Variants in DLG2 observed in about 807,000 individuals in gnomAD.
DLG2 encodes the protein discs large MAGUK scaffold protein 2.
In DLG2, 45 loss-of-function variants were observed where a neutral mutation model predicts 132.5. The ratio of observed to expected loss-of-function variants is 0.34; its 90% CI spans 0.27 to 0.44. The LOEUF is 0.44. Ranked by LOEUF, DLG2 falls within the 20% of genes least tolerant of loss-of-function variation. The pLI, the probability that DLG2 is intolerant of heterozygous loss-of-function variation, is 1.00. For synonymous variants in DLG2, 424 were observed against 419.6 expected (o/e 1.01, Z -0.13); for missense variants, 1,045 against 1,196.9 (o/e 0.87, Z 1.87).
Position 83,588,958 on chromosome 11 carries a change from T to G in DLG2, c.1940+44253A>C, listed in dbSNP as rs2097140655. Among the ~76,000 whole-genome samples the G allele has an allele frequency of 4.7e-5, 7 of 147,460 alleles. No individual in the cohort carries two copies. The South Asian group carries it at 1.5e-3, about 32-fold the overall frequency. On this transcript the variant is annotated intron_variant, in intron 19 of 27. Transcript: ENST00000376104. ...TTAGAGAAAAAAGAATAAAAAGAAATGAGCAAAGCCTCCAAGAAATATGGG... is the reference window on the plus strand; with the variant it reads ...TTAGAGAAAAAAGAATAAAAAGAAAGGAGCAAAGCCTCCAAGAAATATGGG...
chr11:84,817,199 T>C (rs1677193383), intron 6 of DLG2, among the ~76,000 whole-genome samples: 1 of 152,058 alleles, frequency 6.6e-6, no homozygotes, highest in African/African-American at 2.4e-5. Flanking sequence ...GCTTACATTG[T>C]GCAGGAACCA....
chr11:84,335,557 G>T (rs983583971), intron 7 of DLG2, among the ~76,000 whole-genome samples: 1 of 152,072 alleles, frequency 6.6e-6, no homozygotes, highest in African/African-American at 2.4e-5. Context: ...GATGATTTAC[G>T]TTTTCCAACA....
intron 18 of DLG2, among the ~76,000 whole-genome samples, chr11:83,706,988 G>C (rs564440184): frequency 6.6e-6 from 1 of 152,332 alleles, no homozygotes; most frequent in South Asian, 2.1e-4. Context: ...AGCAAACATA[G>C]ATACTTTCCA....
chr11:85,622,303 C>T (rs562572312), intron 2 of DLG2, among the ~76,000 whole-genome samples: 1 of 152,036 alleles, frequency 6.6e-6, no homozygotes, highest in East Asian at 1.9e-4. Context: ...TGTATATATG[C>T]ATCAGAAAAC....
At chr11:83,882,656 T>C (rs2045170927) in intron 15 of DLG2, among the ~76,000 whole-genome samples, 1 of 152,252 alleles carries the variant, frequency 6.6e-6, no homozygotes. Flanking sequence ...TATACAATCA[T>C]ATTTTTAAAA....
At chr11:84,506,377 C>T (rs2099241138) in intron 7 of DLG2, among the ~76,000 whole-genome samples, 1 of 150,968 alleles carries the variant, frequency 6.6e-6, no homozygotes, top group Non-Finnish European at 1.5e-5. Flanking sequence ...GCCCGGCCCT[C>T]AGTTCTTAAA....
rs1039735623 is a variant in DLG2 at position 84,703,881 on chromosome 11, T to TATATAC, written c.358-169151_358-169150insGTATAT. ...AGATATATATATATATATATATATATATACACGTGTGTGTGTGTGTGTGTG... is the reference window on the plus strand; with the variant it reads ...AGATATATATATATATATATATATATATATACATACACGTGTGTGTGTGTGTGTGTG... On this transcript the variant is annotated intron_variant, in intron 6 of 27. Transcript: ENST00000376104. Among the ~76,000 whole-genome samples the TATATAC allele has an allele frequency of 4.0e-4, 49 of 122,740 alleles. No homozygotes were observed. In the South Asian group the frequency reaches 6.2e-3, roughly 16 times the overall value. 80.5% of individuals were successfully genotyped at this position (122,740 alleles called of 152,430 possible). A position where few individuals can be genotyped will look rare whatever the true frequency, so the allele number is the denominator to read the frequency against.
chr11:83,866,650 A>G (rs1209169828), intron 16 of DLG2, among the ~76,000 whole-genome samples: 3 of 152,194 alleles, frequency 2.0e-5, no homozygotes, highest in Non-Finnish European at 4.4e-5. Context: ...GACCATTTTT[A>G]AACCCATTTA....
intron 7 of DLG2, among the ~76,000 whole-genome samples, chr11:84,396,250 TC>T (rs2098810590): frequency 6.6e-6 from 1 of 152,208 alleles, no homozygotes; most frequent in South Asian, 2.1e-4. Flanking sequence ...TTGAAGCTAC[TC>T]TATATATTCA....
intron 7 of DLG2, among the ~76,000 whole-genome samples, chr11:84,492,172 T>C (rs2099166926): frequency 6.6e-6 from 1 of 152,114 alleles, no homozygotes; most frequent in African/African-American, 2.4e-5. Context: ...CACCAACTGT[T>C]CTAGTATGAA....
chr11:85,002,973 T>G (rs1294470123), intron 6 of DLG2, among the ~76,000 whole-genome samples: 2 of 152,090 alleles, frequency 1.3e-5, no homozygotes, highest in African/African-American at 4.8e-5. Flanking sequence ...TGGTATATGA[T>G]ATGTATAACT....
In DLG2 at chr11:83,503,366, CATTTATATATATATATATAT is replaced by C. The variant is rs1218459944; in HGVS notation, c.2194-19158_2194-19139del. On this transcript the variant is annotated intron_variant, in intron 21 of 27. Coordinates refer to ENST00000376104, the MANE Select transcript of DLG2 (RefSeq NM_001142699.3). ...ATTTATATATATACACACACACACC[CATTTATATATATATATATAT>C]ATATATATATATATATATATATATA... is the stretch of plus-strand genomic sequence containing the variant. Among the ~76,000 whole-genome samples, 60 of 47,094 alleles carry C rather than the reference CATTTATATATATATATATAT, an allele frequency of 1.3e-3. 1 individual carries two copies. Among genetic ancestry groups the C allele is most frequent in the African/African-American group, 3.0e-3 (55 of 18,134 alleles). The allele number at this position is 47,094 out of a possible 152,430, so 30.9% of individuals were successfully genotyped here.
At chr11:85,419,734 C>T (rs1253602354) in intron 3 of DLG2, among the ~76,000 whole-genome samples, 1 of 152,216 alleles carries the variant, frequency 6.6e-6, no homozygotes, top group African/African-American at 2.4e-5. Flanking sequence ...GCTATTGATA[C>T]TTGCATATGC....
intron 6 of DLG2, among the ~76,000 whole-genome samples, chr11:84,843,778 G>T (rs2081014206): frequency 6.6e-6 from 1 of 151,652 alleles, no homozygotes; most frequent in African/African-American, 2.4e-5. Flanking sequence ...GTTCAATACG[G>T]ACACAACCAT....
In DLG2 at chr11:84,529,512, G is replaced by C. The variant is rs148560685; in HGVS notation, c.519+5058C>G. ...TATCTACCAACAACATCCAAGCTGA[G>C]AGCAAAATCGAGAACTCAATCTCAT... On this transcript the variant is annotated intron_variant, in intron 7 of 27. Transcript: ENST00000376104. Among the ~76,000 whole-genome samples the C allele has an allele frequency of 4.9e-4, 75 of 152,170 alleles. No individual in the cohort carries two copies. In the East Asian group the frequency reaches 0.013, roughly 27 times the overall value.
At chr11:85,578,845 C>A (rs972820742) in intron 3 of DLG2, among the ~76,000 whole-genome samples, 3 of 152,092 alleles carry the variant, frequency 2.0e-5, no homozygotes, top group African/African-American at 7.2e-5. Flanking sequence ...GACATAAAGA[C>A]AGAAATACCA....
At chr11:85,539,602 T>A (rs906359934) in intron 3 of DLG2, among the ~76,000 whole-genome samples, 2 of 152,190 alleles carry the variant, frequency 1.3e-5, no homozygotes, top group African/African-American at 4.8e-5. Context: ...TCTGTGAACA[T>A]ATTTAAAAAC....
intron 6 of DLG2, among the ~76,000 whole-genome samples, chr11:84,947,634 T>A (rs1193323886): frequency 6.6e-6 from 1 of 152,208 alleles, no homozygotes; most frequent in Non-Finnish European, 1.5e-5. Context: ...GGTGGCTGAC[T>A]CCTTTGCTAT....
chr11:84,513,346 A>G (rs1266030261), intron 7 of DLG2, among the ~76,000 whole-genome samples: 1 of 152,058 alleles, frequency 6.6e-6, no homozygotes, highest in Non-Finnish European at 1.5e-5. Context: ...CCTAAAATTT[A>G]AACAGAATCA....
Sources: allele counts gnomAD v4.1 joint callset (sites outside exome capture counted in the v4.1 genomes callset), GRCh38; gene constraint gnomAD v4.1.1; transcripts MANE v1.5; gene names NCBI Gene and HGNC (gene_info 2026-07-23, HGNC 2026-07-21).